Variants in SSH2 observed in about 807,000 individuals in gnomAD.
SSH2 encodes the protein protein phosphatase Slingshot homolog 2.
A neutral mutation model predicts 135.2 loss-of-function variants in SSH2; 37 were observed. The observed-to-expected ratio is 0.27, with a 90% CI of 0.21 to 0.36. The LOEUF is 0.36. Ranked by LOEUF, SSH2 falls within the 10% of genes least tolerant of loss-of-function variation. The pLI is 1.00. For synonymous variants in SSH2, 628 were observed against 646.2 expected, an observed-to-expected ratio of 0.97 and a Z score of 0.43; for missense variants, 1,408 against 1,765.3, an observed-to-expected ratio of 0.80 and a Z score of 3.63.
intron 1 of SSH2, among the ~76,000 whole-genome samples, chr17:29,875,957 C>G (rs2066020761): frequency 7.7e-6 from 1 of 130,038 alleles, no homozygotes; most frequent in Admixed American, 8.2e-5. Context: ...CTATAAACCA[C>G]TGATGAAAAA....
intron 2 of SSH2, among the ~76,000 whole-genome samples, chr17:29,807,764 T>G (rs936275400): frequency 1.3e-5 from 2 of 151,276 alleles, no homozygotes; most frequent in Non-Finnish European, 2.9e-5. Context: ...TTGAACCTGA[T>G]CCTATGAGGT....
Position 29,751,640 on chromosome 17 carries a change from T to C in SSH2, c.188+42254A>G, listed in dbSNP as rs530242743. Among the ~76,000 whole-genome samples the C allele has an allele frequency of 2.0e-5, 3 of 152,294 alleles. No individual in the cohort carries two copies. In the South Asian group the frequency reaches 6.2e-4, roughly 32 times the overall value. On this transcript the variant is annotated intron_variant, in intron 3 of 15. Transcript: ENST00000540801. ...CATTATGCTACGACATTATGACAGCTATAGTCACTAGGTGATTTTTCATCC... is the reference window on the plus strand; with the variant it reads ...CATTATGCTACGACATTATGACAGCCATAGTCACTAGGTGATTTTTCATCC...
intron 1 of SSH2, among the ~76,000 whole-genome samples, chr17:29,900,608 T>A (rs952756877): frequency 5.9e-5 from 9 of 152,202 alleles, no homozygotes; most frequent in African/African-American, 2.2e-4. Context: ...AGAATGATGA[T>A]CATTAAAAAG....
chr17:29,661,294 A>T (rs921715283), intron 11 of SSH2, among the ~76,000 whole-genome samples: 2 of 152,132 alleles, frequency 1.3e-5, no homozygotes, highest in Admixed American at 6.6e-5. Context: ...CAGACTGTAC[A>T]AATACCTAGT....
At chr17:29,694,785 T>C (rs539160831) in intron 5 of SSH2, among the ~76,000 whole-genome samples, 2 of 152,344 alleles carry the variant, frequency 1.3e-5, no homozygotes, top group South Asian at 2.1e-4. Flanking sequence ...CTCTGGCCTA[T>C]ACACTGCCAG....
At chr17:29,655,030 C>T (rs917714916) in intron 12 of SSH2, among the ~76,000 whole-genome samples, 6 of 152,142 alleles carry the variant, frequency 3.9e-5, no homozygotes, top group African/African-American at 1.4e-4. Flanking sequence ...CACATTTGTT[C>T]TTCAAAGCCC....
chr17:29,677,001 C>T, intron 7 of SSH2, 116 bp from the exon 8 acceptor site: 2 of 793,000 alleles, frequency 2.5e-6, no homozygotes, highest in South Asian at 3.1e-5. Flanking sequence ...AGGGAATCAT[C>T]AGGCATTTCA....
rs2035517273 is a variant in SSH2 at position 29,626,894 on chromosome 17, T to C, written c.*3947A>G. The C allele has an allele frequency of 6.6e-6, 1 of 152,470 alleles. No individual in the cohort carries two copies. Among genetic ancestry groups the C allele is most frequent in the African/African-American group, 2.4e-5 (1 of 41,442 alleles). The allele number at this position is 152,470 out of a possible 1,614,324, so 9.4% of individuals were successfully genotyped here. On this transcript the variant is annotated 3_prime_UTR_variant, in exon 16 of 16. Transcript: ENST00000540801. ...CTGAAACAGCTAAAATTTCATCTTA[T>C]CCACCATCAAAAAGCAAAACAAAAT...
intron 2 of SSH2, among the ~76,000 whole-genome samples, chr17:29,808,302 T>A (rs2042382973): frequency 6.6e-6 from 1 of 152,192 alleles, no homozygotes; most frequent in Non-Finnish European, 1.5e-5. Context: ...CTAATTTTTG[T>A]ACTTTTAGTA....
chr17:29,715,549 T>C (rs1355003353), intron 3 of SSH2, among the ~76,000 whole-genome samples: 2 of 152,090 alleles, frequency 1.3e-5, no homozygotes, highest in African/African-American at 2.4e-5. Flanking sequence ...CTAGCCTCCA[T>C]GTCCTATTTC....
intron 4 of SSH2, among the ~76,000 whole-genome samples, chr17:29,702,390 G>GA (rs2151123331): frequency 6.6e-6 from 1 of 151,126 alleles, no homozygotes; most frequent in Admixed American, 6.6e-5. Flanking sequence ...CGTGGTGGCT[G>GA]AAGTCTGTAA....
intron 1 of SSH2, among the ~76,000 whole-genome samples, chr17:29,853,337 G>A (rs772517049): frequency 1.3e-5 from 2 of 151,564 alleles, no homozygotes; most frequent in Non-Finnish European, 2.9e-5. Flanking sequence ...TGCCCACCTC[G>A]GCCTCCCAAA....
intron 2 of SSH2, among the ~76,000 whole-genome samples, chr17:29,805,249 G>A (rs2042321509): frequency 1.3e-5 from 2 of 151,868 alleles, no homozygotes; most frequent in South Asian, 2.1e-4. Context: ...TCTGCCTCCC[G>A]GGTTCACGCC....
intron 3 of SSH2, among the ~76,000 whole-genome samples, chr17:29,723,197 A>C (rs1206117080): frequency 1.3e-5 from 2 of 152,188 alleles, no homozygotes; most frequent in Non-Finnish European, 1.5e-5. Context: ...GTGAGATGCA[A>C]ATGGCCCCAA....
At position 29,636,694 on chromosome 17, in the gene SSH2, G is replaced by A; in HGVS notation, c.1536C>T (p.Thr512=). 1 of 1,614,116 alleles carries A rather than the reference G, an allele frequency of 6.2e-7. No individual in the cohort carries two copies. The highest frequency in any genetic ancestry group is 8.5e-7 in the Non-Finnish European group (1 of 1,180,016). Residue 512 remains threonine, a synonymous_variant, in exon 15 of 16, where the codon ACC becomes ACT. Coordinates refer to ENST00000540801, the MANE Select transcript of SSH2 (RefSeq NM_001282129.2). ...PGLELNKKDI[T]TSADQIAEVK... ...CCTCAGCAATCTGGTCTGCTGAGGT[G>A]GTGATATCCTTCTTGTTGAGTTCTA...
chr17:29,764,110 T>C (rs1313738121), intron 3 of SSH2, among the ~76,000 whole-genome samples: 1 of 151,986 alleles, frequency 6.6e-6, no homozygotes, highest in Non-Finnish European at 1.5e-5. Context: ...CCACCATGCC[T>C]GGCTAATTTT....
intron 1 of SSH2, among the ~76,000 whole-genome samples, chr17:29,902,167 G>T (rs751656652): frequency 6.6e-6 from 1 of 152,094 alleles, no homozygotes; most frequent in Non-Finnish European, 1.5e-5. Context: ...ACTACTTTCT[G>T]AAAGATATGA....
rs1027393693 is a variant in SSH2, at chr17:29,814,949, CT to C, written c.145-21013del. Among the ~76,000 whole-genome samples, 223 of 132,326 alleles carry C rather than the reference CT, an allele frequency of 1.7e-3. 1 individual carries two copies. The East Asian group carries it at 0.019, about 11-fold the overall frequency. 86.8% of individuals were successfully genotyped at this position (132,326 alleles called of 152,430 possible). A position where few individuals can be genotyped will look rare whatever the true frequency, so the allele number is the denominator to read the frequency against. ...GTATAAATTACTGTTCCTTTTCTTT[CT>C]TTTTTTTTTTTTTTTGAGATGGAAT... On this transcript the variant is annotated intron_variant, in intron 2 of 15. Coordinates refer to ENST00000540801, the MANE Select transcript of SSH2 (RefSeq NM_001282129.2).
rs542694869 is a variant in SSH2 at position 29,838,274 on chromosome 17, A to G, written c.144+10575T>C. Among the ~76,000 whole-genome samples the G allele has an allele frequency of 2.0e-5, 3 of 152,326 alleles. No individual in the cohort carries two copies. The East Asian group carries it at 5.8e-4, about 29-fold the overall frequency. On this transcript the variant is annotated intron_variant, in intron 2 of 15. Transcript: ENST00000540801. Reference sequence around the variant, plus strand: ...TCCCCTCCACACACTGGGTTTGGTCACTGACAAGCATGAGATGGAGGCTGA... The same window carrying G: ...TCCCCTCCACACACTGGGTTTGGTCGCTGACAAGCATGAGATGGAGGCTGA...
Sources: allele counts gnomAD v4.1 joint callset (sites outside exome capture counted in the v4.1 genomes callset), GRCh38; gene constraint gnomAD v4.1.1; transcripts MANE v1.5; gene names NCBI Gene and HGNC (gene_info 2026-07-23, HGNC 2026-07-21).